The following CDCP1 variants were observed in gnomAD, a reference collection of about 807,000 sequenced individuals.
CDCP1 encodes the protein CUB domain-containing protein 1.
A neutral mutation model predicts 60.2 loss-of-function variants in CDCP1; 29 were observed. The ratio of observed to expected loss-of-function variants is 0.48; its 90% CI spans 0.36 to 0.66. The LOEUF (loss-of-function observed/expected upper bound fraction) is 0.66. Among genes scored for constraint, CDCP1 ranks in the 30% least tolerant of loss-of-function variants. CDCP1 has a pLI of 0.00. For synonymous variants in CDCP1, 387 were observed against 431.1 expected (o/e 0.90, Z 1.27); for missense variants, 876 against 1,074.3 (o/e 0.82, Z 2.58).
At chr3:45,110,262 T>C (rs1376545355) in intron 4 of CDCP1, 2 of 1,395,116 alleles carry the variant, frequency 1.4e-6, no homozygotes, top group Non-Finnish European at 9.3e-7. Flanking sequence ...TTCTTTTTAT[T>C]GTGCTGAAAT....
intron 1 of CDCP1, among the ~76,000 whole-genome samples, chr3:45,125,501 T>C (rs536358538): frequency 2.1e-4 from 32 of 152,362 alleles, no homozygotes; most frequent in African/African-American, 7.5e-4. Context: ...CTGTAAGGCC[T>C]AAATGAGTTA....
At chr3:45,119,551 C>T (rs922706822) in intron 1 of CDCP1, among the ~76,000 whole-genome samples, 4 of 152,208 alleles carry the variant, frequency 2.6e-5, no homozygotes, top group Non-Finnish European at 4.4e-5. Flanking sequence ...GTTCATGTAG[C>T]ACCATGTTCT....
rs768038620 is a variant in CDCP1, at chr3:45,095,490, C to A, written c.1103G>T (p.Arg368Leu). 6 of 1,614,002 alleles carry A rather than the reference C, an allele frequency of 3.7e-6. No homozygotes were observed. In the African/African-American group the frequency reaches 4.0e-5, roughly 11 times the overall value. Residue 368 changes from arginine (R) to leucine (L), a missense_variant, in exon 5 of 9, where the codon CGC becomes CTC. By Grantham distance (102) the Arg-to-Leu change is moderately radical. Around this residue, in one of 2 missense-constraint regions of CDCP1, gnomAD observed 726 missense variants for 935.7 expected, o/e 0.78. Coordinates refer to ENST00000296129, the MANE Select transcript of CDCP1 (RefSeq NM_022842.5). ...CACGAAACAGCCAGGGACAAACTTG[C>A]GGCTCTGTTTGACGGGCCGTGGCTC... The part of the protein sequence containing the change: ...TIEPRPVKQS[R>L]KFVPGCFVCL...
At chr3:45,136,800 A>G (rs111680709) in intron 1 of CDCP1, among the ~76,000 whole-genome samples, 4,232 of 152,332 alleles carry the variant, frequency 0.028, 72 homozygotes, top group Middle Eastern at 0.095. Context: ...CCTGGCTTTA[A>G]ATTGTTTTTA....
intron 1 of CDCP1, among the ~76,000 whole-genome samples, chr3:45,135,520 A>G (rs1158087784): frequency 6.6e-6 from 1 of 152,188 alleles, no homozygotes; most frequent in Non-Finnish European, 1.5e-5. Context: ...CTTGTAGGTG[A>G]TCTCCAGTTA....
intron 4 of CDCP1, among the ~76,000 whole-genome samples, chr3:45,105,713 G>A (rs1188489975): frequency 6.6e-6 from 1 of 152,138 alleles, no homozygotes; most frequent in Non-Finnish European, 1.5e-5. Context: ...TAGATGGGTA[G>A]AATACTGTAC....
intron 1 of CDCP1, among the ~76,000 whole-genome samples, chr3:45,126,119 T>TTCTTTCTTTCTTTCTTTCC (rs1559398754): frequency 9.0e-5 from 3 of 33,466 alleles, no homozygotes; most frequent in African/African-American, 2.8e-4. Context: ...TCTTTCTTTC[T>TTCTTTCTTTCTTTCTTTCC]TTCTTTCTTT....
At chr3:45,118,068 T>C (rs952723747) in intron 2 of CDCP1, among the ~76,000 whole-genome samples, 28 of 152,196 alleles carry the variant, frequency 1.8e-4, no homozygotes, top group African/African-American at 6.8e-4. Flanking sequence ...GCTTCTGTAG[T>C]GCTGCCTGAA....
chr3:45,093,849 A>G (rs1309261459), intron 5 of CDCP1, among the ~76,000 whole-genome samples, 192 bp from the exon 6 acceptor site: 1 of 152,020 alleles, frequency 6.6e-6, no homozygotes, highest in Non-Finnish European at 1.5e-5. Context: ...CTCTCTTAGT[A>G]AACATTCTTA....
intron 1 of CDCP1, among the ~76,000 whole-genome samples, chr3:45,126,104 C>T (rs373732952): frequency 1.0e-5 from 1 of 99,158 alleles, no homozygotes; most frequent in African/African-American, 3.4e-5. Context: ...TTCTTTGTCT[C>T]TCTCTCTTTC....
At chr3:45,103,895 G>T (rs1305192202) in intron 4 of CDCP1, among the ~76,000 whole-genome samples, 1 of 152,182 alleles carries the variant, frequency 6.6e-6, no homozygotes, top group Admixed American at 6.5e-5. Context: ...AAATTACCTA[G>T]TCTCAGGTAT....
At chr3:45,118,837 T>C (rs1401378168) in intron 1 of CDCP1, among the ~76,000 whole-genome samples, 1 of 152,242 alleles carries the variant, frequency 6.6e-6, no homozygotes. Flanking sequence ...ATGTGTTTCT[T>C]GTTTGGATTA....
In CDCP1 at chr3:45,085,821, T is replaced by A; in HGVS notation, c.2328A>T (p.Pro776=). 6.2e-7 allele frequency: 1 copy of A among 1,613,896 alleles called. No individual in the cohort carries two copies. Among genetic ancestry groups the A allele is most frequent in the Non-Finnish European group, 8.5e-7 (1 of 1,179,980 alleles). ...TTGGGGCCCTGGAGCATATGGTGGG[T>A]GGGGAGGGAGGACAGACCCCCATGG... ...QGTMGVCPPS[P]PTICSRAPTA... is the part of the protein sequence containing the mutation. Residue 776 remains proline (P), a synonymous_variant, in exon 9 of 9, where the codon CCA becomes CCT. Transcript: ENST00000296129. This position sits in a 1 kb window ranked among gnomAD's most constrained non-coding sequence, Gnocchi z 4.2.
At chr3:45,089,277 G>A in intron 7 of CDCP1, 136 bp from the exon 8 acceptor site, 1 of 669,042 alleles carries the variant, frequency 1.5e-6, no homozygotes, top group South Asian at 1.7e-5. Context: ...GTGTGCACAT[G>A]GGGCTCCTCA....
chr3:45,114,747 G>GA (rs2125998888), intron 2 of CDCP1, among the ~76,000 whole-genome samples: 1 of 152,330 alleles, frequency 6.6e-6, no homozygotes, highest in South Asian at 2.1e-4. Context: ...TATTCAAGAA[G>GA]AGATGAGAAT....
chr3:45,143,156 A>G (rs1699323437), intron 1 of CDCP1, among the ~76,000 whole-genome samples: 1 of 152,220 alleles, frequency 6.6e-6, no homozygotes, highest in Non-Finnish European at 1.5e-5. Flanking sequence ...GTGAGCCGAG[A>G]TCGCGCCATT....
chr3:45,093,322 C>T lies in CDCP1; in HGVS notation c.1582G>A (p.Ala528Thr), dbSNP rs199965821. 1 of 1,614,180 alleles carries T rather than the reference C, an allele frequency of 6.2e-7. No individual in the cohort carries two copies. Among genetic ancestry groups the T allele is most frequent in the South Asian group, 1.1e-5 (1 of 91,078 alleles). The change falls in exon 6 of 9, where the codon GCC becomes ACC. Residue 528 changes from alanine (A) to threonine (T), a missense_variant. By Grantham distance (58) the Ala-to-Thr change is moderately conservative. Transcript: ENST00000296129. The stretch of plus-strand genomic sequence containing the variant: ...GACACCGTCAGACCCTGCCTGGAGG[C>T]CTCTTGTTGGAAGCTGGGGGCAAAG... ...RTFAPSFQQEASRQGLTVSFI... is the reference protein window; with the variant it reads ...RTFAPSFQQETSRQGLTVSFI...
chr3:45,084,164 G>C lies in CDCP1; in HGVS notation c.*1474C>G, dbSNP rs1702607485. 6.6e-6 allele frequency: 1 copy of C among 152,108 alleles called. No homozygotes were observed. The highest frequency in any genetic ancestry group is 6.5e-5 in the Admixed American group (1 of 15,282). The allele number at this position is 152,108 out of a possible 1,614,324, so 9.4% of individuals were successfully genotyped here. On this transcript the variant is annotated 3_prime_UTR_variant, in exon 9 of 9. Coordinates refer to ENST00000296129, the MANE Select transcript of CDCP1 (RefSeq NM_022842.5). ...CTTCTAAAGGCAGAGCTGGTGCCCA[G>C]CTCCAGCCAGTTGTTGCTAGGTGAG... is the stretch of plus-strand genomic sequence containing the variant.
chr3:45,089,118 C>A lies in CDCP1; in HGVS notation c.2017G>T (p.Ala673Ser). Residue 673 changes from alanine (A) to serine (S), a missense_variant, in exon 8 of 9, where the codon GCG becomes TCG. Transcript: ENST00000296129. ...AGCAGTAAGACTCCACCTCCCACCG[C>A]TGCGATGAGGATGACAGTCAAGTCT... ...TVDLTVILIA[A>S]VGGGVLLLSA... The A allele has an allele frequency of 6.2e-7, 1 of 1,614,076 alleles. No individual in the cohort carries two copies. Among genetic ancestry groups the A allele is most frequent in the Non-Finnish European group, 8.5e-7 (1 of 1,179,988 alleles).
Sources: allele counts gnomAD v4.1 joint callset (sites outside exome capture counted in the v4.1 genomes callset), GRCh38; gene constraint gnomAD v4.1.1; regional missense constraint gnomAD v4.1.1; non-coding constraint Gnocchi (gnomAD v3.1); transcripts MANE v1.5; gene names NCBI Gene and HGNC (gene_info 2026-07-23, HGNC 2026-07-21).